The following PCDH15 variants were observed in gnomAD, a reference collection of about 807,000 sequenced individuals.
PCDH15 encodes protocadherin related 15, also known as protocadherin-15.
PCDH15 carries 129 observed loss-of-function variants against 178.5 expected under a neutral mutation model. That is an observed-to-expected ratio of 0.72 (90% CI 0.63 to 0.84). The LOEUF (loss-of-function observed/expected upper bound fraction) is 0.84, where lower values mean the gene tolerates loss of function less well. PCDH15 is among the 40% of genes least tolerant of loss of function. The pLI is 0.00. For missense variants in PCDH15, 2,230 were observed against 2,099.9 expected (o/e 1.06, Z -1.21); for synonymous variants, 800 against 732.0 (o/e 1.09, Z -1.50).
chr10:54,790,843 T>G (rs1280753522), intron 1 of PCDH15, among the ~76,000 whole-genome samples: 2 of 151,810 alleles, frequency 1.3e-5, no homozygotes, highest in Admixed American at 6.6e-5. Flanking sequence ...AAGGTGGGAA[T>G]AGGGAGAGGA....
At chr10:55,329,659 C>A (rs1436311067) in intron 2 of PCDH15, among the ~76,000 whole-genome samples, 1 of 151,686 alleles carries the variant, frequency 6.6e-6, no homozygotes, top group Non-Finnish European at 1.5e-5. Flanking sequence ...TTATTATTTC[C>A]CAATGACATG....
intron 9 of PCDH15, among the ~76,000 whole-genome samples, chr10:54,228,252 A>G (rs1361737387): frequency 2.0e-5 from 3 of 152,214 alleles, no homozygotes; most frequent in Non-Finnish European, 4.4e-5. Flanking sequence ...AGGAAGCTTT[A>G]CAATCATGGT....
chr10:54,249,379 A>C (rs1224656044), intron 8 of PCDH15, among the ~76,000 whole-genome samples: 1 of 152,152 alleles, frequency 6.6e-6, no homozygotes, highest in Admixed American at 6.5e-5. Flanking sequence ...GCTTGTCAAT[A>C]GTGAGGGAGA....
intron 20 of PCDH15, among the ~76,000 whole-genome samples, chr10:54,015,751 C>A (rs966394580): frequency 7.2e-5 from 11 of 152,128 alleles, no homozygotes; most frequent in Non-Finnish European, 1.3e-4. Context: ...AAAATCAACT[C>A]AAGACGGATT....
chr10:54,387,354 A>G (rs1175743523), intron 3 of PCDH15, among the ~76,000 whole-genome samples: 2 of 152,162 alleles, frequency 1.3e-5, no homozygotes, highest in African/African-American at 4.8e-5. Flanking sequence ...AAATCAATAA[A>G]CAAAATGTAG....
chr10:54,596,599 A>C (rs1424545077), intron 2 of PCDH15, among the ~76,000 whole-genome samples: 1 of 152,154 alleles, frequency 6.6e-6, no homozygotes, highest in Non-Finnish European at 1.5e-5. Flanking sequence ...AATACACATT[A>C]ATACTAACCT....
intron 19 of PCDH15, among the ~76,000 whole-genome samples, chr10:54,020,932 G>A (rs989652200): frequency 4.0e-5 from 6 of 151,890 alleles, no homozygotes; most frequent in Admixed American, 2.6e-4. Flanking sequence ...ATTTGTCACA[G>A]GGATCCTATA....
At chr10:55,189,513 A>G (rs1037531050) in intron 1 of PCDH15, among the ~76,000 whole-genome samples, 8 of 151,868 alleles carry the variant, frequency 5.3e-5, no homozygotes, top group African/African-American at 1.9e-4. Flanking sequence ...ACAAAATGTT[A>G]GATTCTACAG....
At position 53,804,975 on chromosome 10, in the gene PCDH15, T is replaced by C. The variant is rs1841063610; in HGVS notation, c.*1604A>G. 1.3e-5 allele frequency: 2 copies of C among 151,942 alleles called. No homozygotes were observed. Among genetic ancestry groups the C allele is most frequent in the African/African-American group, 4.8e-5 (2 of 41,400 alleles). The allele number at this position is 151,942 out of a possible 1,614,324, so 9.4% of individuals were successfully genotyped here. On this transcript the variant is annotated 3_prime_UTR_variant, in exon 38 of 38. Coordinates refer to ENST00000644397, the MANE Select transcript of PCDH15 (RefSeq NM_001384140.1). ...TTTTTTGGCAAGGGTATGGAATGCA[T>C]TAATTCTCAATAAAATAAGGTAGAT...
intron 3 of PCDH15, among the ~76,000 whole-genome samples, chr10:54,472,367 T>C (rs954198051): frequency 1.8e-4 from 28 of 152,162 alleles, no homozygotes; most frequent in Middle Eastern, 3.4e-3. Flanking sequence ...AAATTTCACC[T>C]AATTTTTGTT....
At chr10:53,886,137 ATCTATTGAGAGAATG>A (rs1207811108) in intron 26 of PCDH15, among the ~76,000 whole-genome samples, 2 of 152,206 alleles carry the variant, frequency 1.3e-5, no homozygotes, top group Non-Finnish European at 2.9e-5. Flanking sequence ...CTATTGAGAG[ATCTATTGAGAGAATG>A]TCTATTTAGA....
At chr10:54,029,860 G>A (rs1383139871) in intron 18 of PCDH15, among the ~76,000 whole-genome samples, 2 of 151,966 alleles carry the variant, frequency 1.3e-5, no homozygotes, top group Non-Finnish European at 2.9e-5. Flanking sequence ...CTACCCTGGG[G>A]GTTACCAGTC....
chr10:54,252,879 A>C (rs2056604100), intron 8 of PCDH15, among the ~76,000 whole-genome samples: 1 of 151,980 alleles, frequency 6.6e-6, no homozygotes, highest in Non-Finnish European at 1.5e-5. Flanking sequence ...TTTATGTATA[A>C]ATTTCTTTCT....
chr10:55,207,771 C>T (rs1179601379), intron 1 of PCDH15, among the ~76,000 whole-genome samples: 1 of 152,202 alleles, frequency 6.6e-6, no homozygotes, highest in East Asian at 1.9e-4. Flanking sequence ...AGTTCAAGAC[C>T]AGCCTGGACA....
At chr10:53,984,018 A>G (rs1358583792) in intron 21 of PCDH15, among the ~76,000 whole-genome samples, 1 of 151,084 alleles carries the variant, frequency 6.6e-6, no homozygotes, top group East Asian at 1.9e-4. Context: ...TAACCTTCAG[A>G]CCTCCGCTCA....
chr10:55,132,254 G>A (rs1051712420), intron 2 of PCDH15, among the ~76,000 whole-genome samples: 2 of 152,070 alleles, frequency 1.3e-5, no homozygotes, highest in Admixed American at 1.3e-4. Flanking sequence ...ACTCACAAAA[G>A]GCTCTGTTTT....
chr10:54,560,483 G>GT (rs566320282), intron 2 of PCDH15, among the ~76,000 whole-genome samples: 9 of 151,754 alleles, frequency 5.9e-5, no homozygotes, highest in African/African-American at 1.2e-4. Flanking sequence ...GCTACAAGGA[G>GT]TTTTTTTTAT....
intron 3 of PCDH15, among the ~76,000 whole-genome samples, chr10:54,467,612 T>G (rs1185569574): frequency 2.7e-5 from 4 of 147,526 alleles, no homozygotes; most frequent in South Asian, 2.1e-4. Flanking sequence ...TTTTTTTTTT[T>G]TTTTTTTTTT....
chr10:54,419,667 A>G (rs1420626814), intron 3 of PCDH15, among the ~76,000 whole-genome samples: 7 of 152,252 alleles, frequency 4.6e-5, no homozygotes, highest in Admixed American at 2.0e-4. Flanking sequence ...AGTGTGCTCT[A>G]ATAAATACTC....
Sources: gnomAD v4.1 joint callset for allele counts (sites outside exome capture counted in the v4.1 genomes callset) on GRCh38, gnomAD v4.1.1 for gene constraint, MANE v1.5 for transcripts, NCBI Gene and HGNC (gene_info 2026-07-23, HGNC 2026-07-21) for gene names.